Variants in SEMA4D observed in about 807,000 individuals in gnomAD.
The protein encoded by SEMA4D is semaphorin-4D.
SEMA4D carries 22 observed loss-of-function variants against 74.8 expected under a neutral mutation model. The ratio of observed to expected loss-of-function variants is 0.29; its 90% CI spans 0.21 to 0.42. The LOEUF (loss-of-function observed/expected upper bound fraction) is 0.42. Ranked by LOEUF, SEMA4D falls within the 10% of genes least tolerant of loss-of-function variation. The pLI is 1.00. For missense variants in SEMA4D, 937 were observed against 1,118.4 expected (o/e 0.84, Z 2.31); for synonymous variants, 445 against 463.7 (o/e 0.96, Z 0.52).
rs200113003 is a variant in SEMA4D at position 89,363,865 on chromosome 9, A to G, written c.1968T>C (p.Asp656=). 1.5e-5 allele frequency: 25 copies of G among 1,614,118 alleles called. No homozygotes were observed. The East Asian group carries it at 4.0e-4, about 26-fold the overall frequency. The change falls in exon 17 of 19, where the codon GAT becomes GAC. Residue 656 remains aspartate (D), a synonymous_variant. Coordinates refer to the SEMA4D transcript ENST00000339861. ...GCCAGCTGAGTGCATGGGCCCTGCC[A>G]TCGGGCAGTGCATGGGTCTGCACAG...
chr9:89,432,019 T>C (rs900657943), intron 2 of SEMA4D, among the ~76,000 whole-genome samples: 1 of 144,484 alleles, frequency 6.9e-6, no homozygotes, highest in Admixed American at 7.1e-5. Flanking sequence ...TGCTCTGCCA[T>C]GACAAGCCCT....
intron 12 of SEMA4D, 85 bp from the exon 13 acceptor site, chr9:89,386,567 T>G: frequency 3.8e-6 from 3 of 785,120 alleles, no homozygotes; most frequent in Non-Finnish European, 6.6e-6. Context: ...CTTCACACTC[T>G]TCACTCTCAA....
At chr9:89,429,602 T>C (rs1434602297) in intron 2 of SEMA4D, among the ~76,000 whole-genome samples, 1 of 152,182 alleles carries the variant, frequency 6.6e-6, no homozygotes, top group Non-Finnish European at 1.5e-5. Flanking sequence ...AATCGGTTTC[T>C]TAACAGAATC....
Position 89,413,075 on chromosome 9 carries a change from G to A in SEMA4D, c.-243-7376C>T, listed in dbSNP as rs190685686. 5.9e-5 allele frequency among the ~76,000 whole-genome samples: 9 copies of A among 152,334 alleles called. No individual in the cohort carries two copies. The East Asian group carries it at 1.5e-3, about 26-fold the overall frequency. On this transcript the variant is annotated intron_variant, in intron 2 of 15. Transcript: ENST00000422704. ...CATTTCTGAGAAGCAAAGGTATCCC[G>A]CTGGGAGCTGAGCTGTATGCATGTG... is the stretch of plus-strand genomic sequence containing the variant.
chr9:89,493,428 G>A (rs1316790010), intron 1 of SEMA4D, among the ~76,000 whole-genome samples: 1 of 152,192 alleles, frequency 6.6e-6, no homozygotes, highest in Non-Finnish European at 1.5e-5. Context: ...CTGCAGCACT[G>A]GGCTGTGCCC....
chr9:89,380,909 C>G (rs190028985), intron 15 of SEMA4D, 146 bp downstream of exon 15: 1 of 945,148 alleles, frequency 1.1e-6, no homozygotes, highest in South Asian at 1.4e-5. Flanking sequence ...GAGAAGACCA[C>G]GAGTCTGCTA....
chr9:89,450,038 A>T, intron 2 of SEMA4D: 1 of 1,396,502 alleles, frequency 7.2e-7, no homozygotes, highest in East Asian at 2.3e-5. Context: ...TCACACCTGG[A>T]AATCAGAACA....
In SEMA4D at chr9:89,461,700, C is replaced by CT. The variant is rs61696689; in HGVS notation, c.-309-5748dup. 1.2e-3 allele frequency among the ~76,000 whole-genome samples: 128 copies of CT among 103,654 alleles called. 5 individuals carry two copies. The highest frequency in any genetic ancestry group is 6.4e-3 in the South Asian group (17 of 2,636). 68.0% of individuals were successfully genotyped at this position (103,654 alleles called of 152,430 possible). ...GGGCCAATGTGTATTTCTTTTTTCT[C>CT]TTTTTTTTTTTTTTTTTTTGGAGAC... is the stretch of plus-strand genomic sequence containing the variant. On this transcript the variant is annotated intron_variant, in intron 1 of 15. Transcript: ENST00000422704.
At chr9:89,470,574 AAC>A (rs1383190475) in intron 1 of SEMA4D, among the ~76,000 whole-genome samples, 8 of 152,224 alleles carry the variant, frequency 5.3e-5, no homozygotes, top group Non-Finnish European at 1.2e-4. Flanking sequence ...TATAAGAATA[AAC>A]ACACACGGAC....
At chr9:89,385,866 G>GGGGGGGGCCCCCCCCCCC in intron 13 of SEMA4D, 1 of 196,226 alleles carries the variant, frequency 5.1e-6, no homozygotes, top group Non-Finnish European at 9.0e-6. Flanking sequence ...CAGCGTGGAT[G>GGGGGGGGCCCCCCCCCCC]CCCGCCCACC....
At chr9:89,432,329 G>C (rs1849456589) in intron 2 of SEMA4D, among the ~76,000 whole-genome samples, 1 of 152,224 alleles carries the variant, frequency 6.6e-6, no homozygotes, top group Non-Finnish European at 1.5e-5. Context: ...CCCTGACTAA[G>C]CCTGGAGATC....
In SEMA4D at chr9:89,430,051, C is replaced by T. The variant is rs377534824; in HGVS notation, c.-243-24352G>A. Among the ~76,000 whole-genome samples, 72 of 151,718 alleles carry T rather than the reference C, an allele frequency of 4.7e-4. 1 individual carries two copies. Among genetic ancestry groups the T allele is most frequent in the African/African-American group, 1.7e-3 (70 of 41,352 alleles). ...TGACGGGCAGCTCTGTGGGTGGGAG[C>T]GGTCACAAGCCTGGCTGAGGAGGAC... On this transcript the variant is annotated intron_variant, in intron 2 of 15. Transcript: ENST00000422704.
intron 1 of SEMA4D, among the ~76,000 whole-genome samples, chr9:89,495,855 T>A (rs1825968755): frequency 7.7e-6 from 1 of 129,532 alleles, no homozygotes; most frequent in Non-Finnish European, 1.6e-5. Context: ...CTGAACAGCC[T>A]CAATGCAGAA....
At chr9:89,385,833 C>G (rs1374778388) in intron 13 of SEMA4D, 2 of 896,278 alleles carry the variant, frequency 2.2e-6, no homozygotes, top group East Asian at 1.2e-4. Flanking sequence ...GAGCCAGGGC[C>G]AGGGAGGCAG....
At chr9:89,471,867 T>C (rs1391127717) in intron 1 of SEMA4D, among the ~76,000 whole-genome samples, 2 of 135,526 alleles carry the variant, frequency 1.5e-5, no homozygotes, top group Non-Finnish European at 3.2e-5. Context: ...CTCAGGTGCA[T>C]ATAGGTTGAG....
At chr9:89,374,385 G>A (rs1001550182), downstream of SEMA4D, among the ~76,000 whole-genome samples, 2 of 152,224 alleles carry the variant, frequency 1.3e-5, no homozygotes, top group Non-Finnish European at 2.9e-5. Context: ...AAGTTGGAAG[G>A]AAGAAACATT....
At chr9:89,384,600 C>T in intron 13 of SEMA4D, 1 of 928,656 alleles carries the variant, frequency 1.1e-6, no homozygotes, top group Non-Finnish European at 1.3e-6. Context: ...CTTAATGCCA[C>T]TGACGTGCAC....
At chr9:89,395,191 C>T (rs1014624487) in intron 6 of SEMA4D, among the ~76,000 whole-genome samples, 19 of 152,046 alleles carry the variant, frequency 1.2e-4, no homozygotes, top group African/African-American at 4.3e-4. Flanking sequence ...TTTGGGAGGC[C>T]AAGGCGGGTG....
intron 1 of SEMA4D, among the ~76,000 whole-genome samples, chr9:89,483,690 G>C (rs1824909137): frequency 9.8e-6 from 1 of 101,610 alleles, no homozygotes; most frequent in South Asian, 3.3e-4. Flanking sequence ...GATAGTTAAG[G>C]GCGGCTGTTA....
Sources: allele counts gnomAD v4.1 joint callset (sites outside exome capture counted in the v4.1 genomes callset), GRCh38; gene constraint gnomAD v4.1.1; transcripts MANE v1.5; gene names NCBI Gene and HGNC (gene_info 2026-07-23, HGNC 2026-07-21).